Variants in GRID2 observed in about 807,000 individuals in gnomAD.
The protein encoded by GRID2 is glutamate ionotropic receptor delta type subunit 2.
In GRID2, 33 loss-of-function variants were observed where a neutral mutation model predicts 114.8. The observed-to-expected ratio is 0.29, with a 90% confidence interval of 0.22 to 0.38. The LOEUF is 0.38. Among genes scored for constraint, GRID2 ranks in the 10% least tolerant of loss-of-function variants. The pLI is 1.00. For synonymous variants in GRID2, 505 were observed against 449.9 expected (o/e 1.12, Z -1.55); for missense variants, 1,184 against 1,257.7 (o/e 0.94, Z 0.89).
intron 2 of GRID2, among the ~76,000 whole-genome samples, chr4:92,887,998 T>A (rs1746493415): frequency 6.6e-6 from 1 of 152,172 alleles, no homozygotes; most frequent in African/African-American, 2.4e-5. Context: ...GAGTAAACCA[T>A]TTATATATGT....
chr4:93,267,094 A>T (rs1579483298), intron 8 of GRID2, among the ~76,000 whole-genome samples: 1 of 150,996 alleles, frequency 6.6e-6, no homozygotes, highest in East Asian at 1.9e-4. Context: ...AGTTTCATCC[A>T]TGTTGCTGCA....
chr4:92,664,562 A>T lies in GRID2; in HGVS notation c.244+74276A>T, dbSNP rs1278680834. 2.0e-5 allele frequency among the ~76,000 whole-genome samples: 3 copies of T among 151,126 alleles called. No homozygotes were observed. In the East Asian group the frequency reaches 5.8e-4, roughly 29 times the overall value. On this transcript the variant is annotated intron_variant, in intron 2 of 15. Transcript: ENST00000282020. ...TGTTCTTTATATGTCTGTTAGACCT[A>T]GTTAGCTTATTGTGTTTCTTCTCTT...
chr4:92,639,930 G>A (rs957483957), intron 2 of GRID2, among the ~76,000 whole-genome samples: 9 of 151,600 alleles, frequency 5.9e-5, no homozygotes, highest in South Asian at 2.1e-4. Context: ...AGACATGTTC[G>A]TATGTGTATT....
At chr4:93,199,131 C>T (rs950160425) in intron 4 of GRID2, among the ~76,000 whole-genome samples, 3 of 152,098 alleles carry the variant, frequency 2.0e-5, no homozygotes, top group Non-Finnish European at 4.4e-5. Flanking sequence ...CTTCAACAAA[C>T]ACCGCTTTTC....
At chr4:93,118,476 T>G (rs1733484593) in intron 4 of GRID2, among the ~76,000 whole-genome samples, 1 of 152,202 alleles carries the variant, frequency 6.6e-6, no homozygotes, top group Non-Finnish European at 1.5e-5. Flanking sequence ...AAATATAATA[T>G]GTAATATTTT....
chr4:92,568,917 G>A (rs1727477761), intron 1 of GRID2, among the ~76,000 whole-genome samples: 1 of 151,880 alleles, frequency 6.6e-6, no homozygotes, highest in Non-Finnish European at 1.5e-5. Context: ...TCTTTATTAT[G>A]GCTGCATACT....
chr4:93,695,728 G>A (rs1303179115), intron 14 of GRID2, among the ~76,000 whole-genome samples: 1 of 152,198 alleles, frequency 6.6e-6, no homozygotes, highest in Non-Finnish European at 1.5e-5. Context: ...GAGACAGCCA[G>A]AGAGCATGGG....
chr4:93,059,109 G>A (rs776388804), intron 2 of GRID2, among the ~76,000 whole-genome samples: 5 of 152,068 alleles, frequency 3.3e-5, no homozygotes, highest in African/African-American at 1.2e-4. Context: ...GGGCAAGTAT[G>A]TATAATGTAA....
intron 2 of GRID2, among the ~76,000 whole-genome samples, chr4:93,031,834 A>G (rs556207240): frequency 3.9e-5 from 6 of 152,100 alleles, no homozygotes; most frequent in African/African-American, 1.2e-4. Flanking sequence ...AGGTTGTACC[A>G]ACTTTGGGGA....
At chr4:93,731,911 G>A (rs1238117583) in intron 14 of GRID2, among the ~76,000 whole-genome samples, 1 of 152,154 alleles carries the variant, frequency 6.6e-6, no homozygotes, top group African/African-American at 2.4e-5. Flanking sequence ...AGCAGACTGA[G>A]AAACATCACA....
At chr4:92,515,976 C>G (rs546800745) in intron 1 of GRID2, among the ~76,000 whole-genome samples, 1 of 152,012 alleles carries the variant, frequency 6.6e-6, no homozygotes, top group East Asian at 1.9e-4. Flanking sequence ...GACCCCAAAC[C>G]ACTCAATGTT....
intron 2 of GRID2, among the ~76,000 whole-genome samples, chr4:92,949,166 G>A (rs1275689722): frequency 6.8e-6 from 1 of 146,410 alleles, no homozygotes; most frequent in Non-Finnish European, 1.5e-5. Context: ...GTGTGTGTGT[G>A]AGAGAGAGAG....
At chr4:92,973,936 A>G (rs1267348606) in intron 2 of GRID2, among the ~76,000 whole-genome samples, 4 of 152,158 alleles carry the variant, frequency 2.6e-5, no homozygotes, top group South Asian at 2.1e-4. Context: ...TTTGCAATCT[A>G]TCTATCTGAC....
chr4:93,606,931 T>A (rs995884703), intron 13 of GRID2, among the ~76,000 whole-genome samples: 25 of 152,316 alleles, frequency 1.6e-4, no homozygotes, highest in African/African-American at 6.0e-4. Context: ...TATTCTTTAC[T>A]GTATACCTAA....
rs532544114 is a variant in GRID2 at position 93,515,356 on chromosome 4, A to C, written c.2138A>C (p.Asn713Thr). 7 of 1,613,342 alleles carry C rather than the reference A, an allele frequency of 4.3e-6. No homozygotes were observed. The highest frequency in any genetic ancestry group is 2.2e-5 in the East Asian group (1 of 44,828). ...SMYSQMWRMINRSNGSENNVL... is the reference protein window; with the variant it reads ...SMYSQMWRMITRSNGSENNVL... ...TATTCCCAAATGTGGCGGATGATCA[A>C]CCGAAGCAATGGATCGGAGAACAAT... is the stretch of plus-strand genomic sequence containing the variant. The change falls in exon 13 of 16, where the codon AAC becomes ACC. Residue 713 changes from asparagine (N) to threonine (T), a missense_variant. Physicochemically the swap from Asn to Thr is moderately conservative, Grantham distance 65. This residue lies in a region of GRID2 where 717 missense variants were observed against 796.9 expected (regional missense o/e 0.90). Transcript: ENST00000282020.
intron 4 of GRID2, among the ~76,000 whole-genome samples, chr4:93,122,693 A>G (rs1373156524): frequency 6.6e-6 from 1 of 152,004 alleles, no homozygotes; most frequent in Non-Finnish European, 1.5e-5. Context: ...AATTGCATGG[A>G]ATTGTAAGAA....
intron 1 of GRID2, among the ~76,000 whole-genome samples, chr4:92,311,707 T>A (rs1458451500): frequency 6.6e-6 from 1 of 152,092 alleles, no homozygotes; most frequent in Non-Finnish European, 1.5e-5. Context: ...ATTCTAGAAG[T>A]TAATATTCCT....
intron 2 of GRID2, among the ~76,000 whole-genome samples, chr4:92,656,289 A>G (rs1732231292): frequency 6.6e-6 from 1 of 151,594 alleles, no homozygotes; most frequent in South Asian, 2.1e-4. Context: ...TAATTCTCTG[A>G]TGATAATAAA....
chr4:93,492,440 A>C (rs551615010), intron 12 of GRID2, among the ~76,000 whole-genome samples: 2 of 151,998 alleles, frequency 1.3e-5, no homozygotes, highest in East Asian at 3.9e-4. Flanking sequence ...GCATCATGTT[A>C]GTTCCCACAC....
Sources: allele counts gnomAD v4.1 joint callset (sites outside exome capture counted in the v4.1 genomes callset), GRCh38; gene constraint gnomAD v4.1.1; regional missense constraint gnomAD v4.1.1; transcripts MANE v1.5; gene names NCBI Gene and HGNC (gene_info 2026-07-23, HGNC 2026-07-21).